KLF17: variants seen among roughly 807,000 people sequenced by gnomAD.
KLF17 encodes the protein KLF transcription factor 17.
A neutral mutation model predicts 34.2 loss-of-function variants in KLF17; 31 were observed. The observed-to-expected ratio is 0.91, with a 90% confidence interval of 0.68 to 1.22. The LOEUF (loss-of-function observed/expected upper bound fraction) is 1.22. Among genes scored for constraint, KLF17 ranks in the 50% most tolerant of loss-of-function variants. The pLI is 0.00. For missense variants in KLF17, 478 were observed against 505.2 expected (o/e 0.95, Z 0.52); for synonymous variants, 179 against 186.7 (o/e 0.96, Z 0.34).
intron 1 of KLF17, among the ~76,000 whole-genome samples, chr1:44,126,869 A>G (rs1398656623): frequency 6.6e-6 from 1 of 152,064 alleles, no homozygotes; most frequent in Non-Finnish European, 1.5e-5. Context: ...GTGAATTAGT[A>G]TAGAATATTT....
chr1:44,068,638 T>A, the KLF17 span, among the ~76,000 whole-genome samples: 2 of 152,210 alleles, frequency 1.3e-5, no homozygotes, highest in Admixed American at 1.3e-4. Context: ...CAGTCTGGAC[T>A]GGAACATTCT....
chr1:44,080,490 G>A, the KLF17 span, among the ~76,000 whole-genome samples: 12 of 148,708 alleles, frequency 8.1e-5, no homozygotes, highest in East Asian at 2.0e-4. Flanking sequence ...TGCCCGCCTT[G>A]GCCTCCCAAA....
At chr1:44,077,345 A>G in the KLF17 span, among the ~76,000 whole-genome samples, 3 of 152,308 alleles carry the variant, frequency 2.0e-5, no homozygotes, top group South Asian at 4.1e-4. Context: ...ACTCTGTCTC[A>G]AAAAATAAAT....
At chr1:44,082,454 G>A in the KLF17 span, among the ~76,000 whole-genome samples, 3 of 152,000 alleles carry the variant, frequency 2.0e-5, no homozygotes, top group Admixed American at 1.3e-4. Context: ...GTGTGCATTC[G>A]GAGGGTTTTA....
the KLF17 span, among the ~76,000 whole-genome samples, chr1:44,073,905 T>G: frequency 6.6e-6 from 1 of 152,214 alleles, no homozygotes; most frequent in Non-Finnish European, 1.5e-5. Context: ...ACAAATTTAT[T>G]TTCTGTTTTC....
chr1:44,109,865 C>G, the KLF17 span, among the ~76,000 whole-genome samples: 1 of 151,600 alleles, frequency 6.6e-6, no homozygotes, highest in Non-Finnish European at 1.5e-5. Flanking sequence ...ATAATATGAC[C>G]CCCACAGCCA....
chr1:44,071,025 C>T, the KLF17 span, among the ~76,000 whole-genome samples: 1 of 152,112 alleles, frequency 6.6e-6, no homozygotes, highest in Admixed American at 6.5e-5. Flanking sequence ...GGTCAAACCT[C>T]TTCCTCACCT....
chr1:44,060,753 C>T, the KLF17 span, among the ~76,000 whole-genome samples: 6 of 152,150 alleles, frequency 3.9e-5, no homozygotes, highest in Non-Finnish European at 5.9e-5. Context: ...CCACCAATAG[C>T]GGTCAGGCAT....
At chr1:44,046,528 TAC>T in the KLF17 span, among the ~76,000 whole-genome samples, 1 of 85,056 alleles carries the variant, frequency 1.2e-5, no homozygotes, top group African/African-American at 4.5e-5. Context: ...ACCTAAGCAC[TAC>T]ACACACACTC....
the KLF17 span, among the ~76,000 whole-genome samples, chr1:44,047,740 G>A: frequency 6.6e-6 from 1 of 152,124 alleles, no homozygotes; most frequent in Non-Finnish European, 1.5e-5. Flanking sequence ...CTTCTTAGGT[G>A]CCTGGTACAA....
the KLF17 span, among the ~76,000 whole-genome samples, chr1:44,075,532 A>G: frequency 6.6e-6 from 1 of 152,206 alleles, no homozygotes; most frequent in Non-Finnish European, 1.5e-5. Context: ...ACCGGGGTCT[A>G]ATAAGTGTTT....
In KLF17 at chr1:44,129,520, T is replaced by A. The variant is rs966528895; in HGVS notation, c.249T>A (p.Asn83Lys). ...TTGAGGCGCCGGGGCAGAATGTGAA[T>A]GAAGGGGGGCCACAGTTCAGTATGC... is the stretch of plus-strand genomic sequence containing the variant. ...VSVEAPGQNV[N>K]EGGPQFSMPL... Residue 83 changes from asparagine to lysine, a missense_variant, in exon 2 of 4, where the codon AAT (asparagine) becomes AAA (lysine). Asn to Lys is a moderately conservative substitution (Grantham distance 94). Coordinates refer to ENST00000372299, the MANE Select transcript of KLF17 (RefSeq NM_173484.4). 6.2e-6 allele frequency: 10 copies of A among 1,612,956 alleles called. No individual in the cohort carries two copies. The African/African-American group carries it at 1.3e-4, about 22-fold the overall frequency.
At chr1:44,104,612 C>A in the KLF17 span, 3 of 568,048 alleles carry the variant, frequency 5.3e-6, no homozygotes, top group Non-Finnish European at 6.5e-6. Flanking sequence ...CCCACCATAG[C>A]CTCTGCCCAG....
At chr1:44,126,746 G>A (rs996335260) in intron 1 of KLF17, among the ~76,000 whole-genome samples, 1 of 152,100 alleles carries the variant, frequency 6.6e-6, no homozygotes, top group African/African-American at 2.4e-5. Context: ...GCAAGGAATA[G>A]AATTAGAGAC....
the KLF17 span, among the ~76,000 whole-genome samples, chr1:44,069,491 AG>A: frequency 2.1e-5 from 3 of 145,104 alleles, 1 homozygote; most frequent in African/African-American, 5.3e-5. This position sits in a 1 kb window ranked among gnomAD's most constrained non-coding sequence, Gnocchi z 4.7. Context: ...AGAGAGAGAG[AG>A]AGAGAGAGAG....
chr1:44,079,755 C>T, the KLF17 span, among the ~76,000 whole-genome samples: 1 of 151,932 alleles, frequency 6.6e-6, no homozygotes, highest in Non-Finnish European at 1.5e-5. Flanking sequence ...TCATTTTTTC[C>T]ATCCAGATAG....
chr1:44,107,404 TGA>T, the KLF17 span, among the ~76,000 whole-genome samples: 5 of 152,156 alleles, frequency 3.3e-5, no homozygotes, highest in African/African-American at 9.7e-5. Context: ...CGCGCCTGGC[TGA>T]GACTGGAGTT....
At chr1:44,049,110 C>A in the KLF17 span, among the ~76,000 whole-genome samples, 4 of 152,292 alleles carry the variant, frequency 2.6e-5, no homozygotes, top group Admixed American at 2.0e-4. Context: ...GGGCTCTCTT[C>A]CTGGCTTGTA....
the KLF17 span, among the ~76,000 whole-genome samples, chr1:44,074,324 C>G: frequency 0.02 from 3,054 of 152,172 alleles, 127 homozygotes; most frequent in African/African-American, 0.071. Context: ...GTCTCTGTCC[C>G]CATCAACATC....
Sources: allele counts gnomAD v4.1 joint callset (sites outside exome capture counted in the v4.1 genomes callset), GRCh38; gene constraint gnomAD v4.1.1; non-coding constraint Gnocchi (gnomAD v3.1); transcripts MANE v1.5; gene names NCBI Gene and HGNC (gene_info 2026-07-23, HGNC 2026-07-21).